ACSF3: variants seen among roughly 807,000 people sequenced by gnomAD.
The protein encoded by ACSF3 is malonate--CoA ligase ACSF3, mitochondrial.
In ACSF3, 78 loss-of-function variants were observed where a neutral mutation model predicts 53.2. The observed-to-expected ratio is 1.47, with a 90% CI of 1.22 to 1.77. ACSF3 has a LOEUF of 1.77. ACSF3 is among the 40% of genes most tolerant of loss of function. The probability of loss-of-function intolerance (pLI) is 0.00; values close to 1 mark genes in which losing one functional copy is unlikely to be tolerated. For synonymous variants in ACSF3, 414 were observed against 333.1 expected (o/e 1.24, Z -2.65); for missense variants, 937 against 771.1 (o/e 1.22, Z -2.55).
chr16:89,144,237 G>A (rs745958317), intron 8 of ACSF3, among the ~76,000 whole-genome samples: 8 of 152,258 alleles, frequency 5.3e-5, no homozygotes, highest in Non-Finnish European at 7.3e-5. Flanking sequence ...TGAGCTACTC[G>A]AGAAAGGAAG....
intron 10 of ACSF3, chr16:89,153,185 A>G (rs934783688): frequency 2.6e-5 from 4 of 152,724 alleles, no homozygotes; most frequent in African/African-American, 7.2e-5. Context: ...CGTTTCTGTC[A>G]TGGCTCAGTG....
At chr16:89,119,528 T>C (rs1288481490) in intron 6 of ACSF3, among the ~76,000 whole-genome samples, 2 of 151,886 alleles carry the variant, frequency 1.3e-5, no homozygotes, top group South Asian at 2.1e-4. Flanking sequence ...TGGGAAGTCA[T>C]GTGTTATGCG....
chr16:89,114,492 G>T lies in ACSF3; in HGVS notation c.1126+5G>T. On this transcript the variant is annotated splice_donor_5th_base_variant and intron_variant, in intron 6 of 10. Coordinates refer to ENST00000614302, the MANE Select transcript of ACSF3 (RefSeq NM_001243279.3). ...CCACTGCCGTGCGCCTGCCAGGTAC[G>T]AGCACTTCCCACAGCTGCGTTCCTC... 6.2e-7 allele frequency: 1 copy of T among 1,610,738 alleles called. No individual in the cohort carries two copies. Among genetic ancestry groups the T allele is most frequent in the Non-Finnish European group, 8.5e-7 (1 of 1,179,980 alleles).
intron 6 of ACSF3, among the ~76,000 whole-genome samples, chr16:89,116,404 C>T (rs891722407): frequency 6.6e-6 from 1 of 152,134 alleles, no homozygotes; most frequent in Non-Finnish European, 1.5e-5. Flanking sequence ...GGCAGCGATA[C>T]GGTGCTGGGG....
At chr16:89,114,045 A>G in intron 5 of ACSF3, 2 of 438,738 alleles carry the variant, frequency 4.6e-6, no homozygotes, top group South Asian at 4.0e-5. Flanking sequence ...TTTGCAGGGG[A>G]CACCGCGGAC....
intron 7 of ACSF3, among the ~76,000 whole-genome samples, chr16:89,131,127 C>CTTTTTTTTTTTTTTTTTTTTTTTTTTTTT (rs558773398): frequency 3.9e-4 from 27 of 69,564 alleles, no homozygotes; most frequent in Admixed American, 5.9e-4. Context: ...TTTTCTTTTT[C>CTTTTTTTTTTTTTTTTTTTTTTTTTTTTT]TTTTTTTTTT....
chr16:89,140,699 G>A (rs566028003), intron 8 of ACSF3, among the ~76,000 whole-genome samples: 16 of 152,278 alleles, frequency 1.1e-4, no homozygotes, highest in South Asian at 2.1e-4. Context: ...ACATCCCCCC[G>A]GCCAGGAGTG....
intron 4 of ACSF3, among the ~76,000 whole-genome samples, chr16:89,105,121 G>A (rs1036905519): frequency 6.6e-6 from 1 of 151,816 alleles, no homozygotes; most frequent in East Asian, 1.9e-4. Flanking sequence ...GCCTCCCTGA[G>A]GGCCCCGTCT....
intron 10 of ACSF3, among the ~76,000 whole-genome samples, chr16:89,147,119 G>A (rs539301589): frequency 6.0e-4 from 90 of 150,074 alleles, no homozygotes; most frequent in Non-Finnish European, 1.2e-3. Context: ...CTACATGGCC[G>A]GAGCAGGAGG....
chr16:89,118,486 A>C (rs1187545388), intron 6 of ACSF3, among the ~76,000 whole-genome samples: 1 of 152,154 alleles, frequency 6.6e-6, no homozygotes, highest in Non-Finnish European at 1.5e-5. Context: ...CATGGCCTTG[A>C]CCCTTGGGTC....
At chr16:89,116,858 G>A (rs968402044) in intron 6 of ACSF3, among the ~76,000 whole-genome samples, 1 of 152,114 alleles carries the variant, frequency 6.6e-6, no homozygotes, top group Non-Finnish European at 1.5e-5. Context: ...GCTGACTCGC[G>A]CATCTCCACG....
chr16:89,096,215 G>C (rs1015363838), intron 1 of ACSF3, among the ~76,000 whole-genome samples: 1 of 124,562 alleles, frequency 8.0e-6, no homozygotes, highest in Non-Finnish European at 1.8e-5. Context: ...AGGGTGCTGC[G>C]TAGCAGGGGT....
chr16:89,101,430 T>C lies in ACSF3; in HGVS notation c.666+83T>C, dbSNP rs998293226. On this transcript the variant is annotated intron_variant, in intron 3 of 10. Transcript: ENST00000614302. ...TCCGGGCCAGAAGCACATCTTTTCA[T>C]TCGCTTTTCTGTGGAGTCATTCACA... is the stretch of plus-strand genomic sequence containing the variant. The C allele has an allele frequency of 4.5e-6, 7 of 1,544,422 alleles. No homozygotes were observed. The South Asian group carries it at 6.0e-5, about 13-fold the overall frequency.
At chr16:89,126,806 C>G (rs1908211068) in intron 7 of ACSF3, among the ~76,000 whole-genome samples, 2 of 152,238 alleles carry the variant, frequency 1.3e-5, no homozygotes, top group Admixed American at 6.5e-5. Context: ...CTGACTAGGA[C>G]TTCCAATACG....
At chr16:89,128,883 C>G (rs1908702630) in intron 7 of ACSF3, among the ~76,000 whole-genome samples, 1 of 152,128 alleles carries the variant, frequency 6.6e-6, no homozygotes, top group African/African-American at 2.4e-5. Context: ...AATCCCAACA[C>G]TTTGGGAGGC....
At chr16:89,108,537 T>C (rs1976293242) in intron 4 of ACSF3, among the ~76,000 whole-genome samples, 2 of 152,190 alleles carry the variant, frequency 1.3e-5, no homozygotes, top group African/African-American at 4.8e-5. Flanking sequence ...CTCAAACCAG[T>C]GTCCATTTCC....
chr16:89,142,623 A>G (rs1912033477), intron 8 of ACSF3, among the ~76,000 whole-genome samples: 1 of 150,438 alleles, frequency 6.6e-6, no homozygotes, highest in Non-Finnish European at 1.5e-5. Context: ...CCACACCTGC[A>G]GACACCTACA....
At chr16:89,130,403 G>T (rs1322271950) in intron 7 of ACSF3, among the ~76,000 whole-genome samples, 1 of 152,100 alleles carries the variant, frequency 6.6e-6, no homozygotes, top group Admixed American at 6.6e-5. Context: ...GGGAAACCCT[G>T]TCTCTACTAA....
At chr16:89,149,055 T>G (rs998581488) in intron 10 of ACSF3, 1 of 152,204 alleles carries the variant, frequency 6.6e-6, no homozygotes, top group Non-Finnish European at 1.5e-5. Flanking sequence ...AAATCTAAGT[T>G]CCGGTTTCAG....
Sources: allele counts gnomAD v4.1 joint callset (sites outside exome capture counted in the v4.1 genomes callset), GRCh38; gene constraint gnomAD v4.1.1; transcripts MANE v1.5; gene names NCBI Gene and HGNC (gene_info 2026-07-23, HGNC 2026-07-21).